The following CNTN3 variants were observed in gnomAD, a reference collection of about 807,000 sequenced individuals.
The protein encoded by CNTN3 is contactin-3.
A neutral mutation model predicts 119.1 loss-of-function variants in CNTN3; 60 were observed. The observed-to-expected ratio is 0.50, with a 90% confidence interval of 0.41 to 0.62. The LOEUF is 0.62. CNTN3 is among the 20% of genes least tolerant of loss of function. CNTN3 has a pLI of 0.00. For missense variants in CNTN3, 1,101 were observed against 1,242.4 expected, an observed-to-expected ratio of 0.89 and a Z score of 1.71; for synonymous variants, 450 against 438.7, an observed-to-expected ratio of 1.03 and a Z score of -0.32.
intron 19 of CNTN3, among the ~76,000 whole-genome samples, chr3:74,291,311 T>A (rs953132108): frequency 6.6e-6 from 1 of 152,148 alleles, no homozygotes; most frequent in Non-Finnish European, 1.5e-5. Context: ...TGATGGACAT[T>A]TGGGTTGGTT....
chr3:74,277,455 G>T (rs1701904464), intron 20 of CNTN3, among the ~76,000 whole-genome samples: 1 of 152,122 alleles, frequency 6.6e-6, no homozygotes, highest in South Asian at 2.1e-4. Context: ...ATGCAGGGAT[G>T]TTTTAAAATA....
chr3:74,460,067 A>G (rs180735058), intron 4 of CNTN3, among the ~76,000 whole-genome samples: 32 of 151,932 alleles, frequency 2.1e-4, no homozygotes, highest in Admixed American at 2.0e-3. Flanking sequence ...AAATTAGTTG[A>G]GAATATATGT....
At chr3:74,422,791 G>C (rs1701637094) in intron 5 of CNTN3, among the ~76,000 whole-genome samples, 1 of 152,116 alleles carries the variant, frequency 6.6e-6, no homozygotes. Flanking sequence ...TTCCTTCCTA[G>C]ATGTAGTTTT....
intron 17 of CNTN3, among the ~76,000 whole-genome samples, chr3:74,299,058 T>C (rs1444315568): frequency 1.3e-5 from 2 of 151,930 alleles, no homozygotes; most frequent in African/African-American, 2.4e-5. Context: ...AATACAAAAA[T>C]TACCCACGCA....
intron 5 of CNTN3, among the ~76,000 whole-genome samples, chr3:74,387,359 G>A (rs571169751): frequency 8.3e-4 from 126 of 152,262 alleles, no homozygotes; most frequent in Admixed American, 2.7e-3. Flanking sequence ...GGATTAAAAT[G>A]TTACTTTCAA....
At chr3:74,275,967 G>A (rs752368333) in intron 20 of CNTN3, among the ~76,000 whole-genome samples, 27 of 151,888 alleles carry the variant, frequency 1.8e-4, no homozygotes, top group Non-Finnish European at 3.7e-4. Context: ...CATGCAAATG[G>A]ACACAAAAAG....
Position 74,521,144 on chromosome 3 carries a change from T to A in CNTN3, c.-32A>T. ...TTGCCAAATGCAAGAGTAACTCTTG[T>A]CCAGTCTCTGATGAATAGAATGCTT... On this transcript the variant is annotated 5_prime_UTR_variant, in exon 2 of 23. Transcript: ENST00000263665. 1 of 1,428,872 alleles carries A rather than the reference T, an allele frequency of 7.0e-7. No homozygotes were observed. Among genetic ancestry groups the A allele is most frequent in the Non-Finnish European group, 9.8e-7 (1 of 1,022,738 alleles). The allele number at this position is 1,428,872 out of a possible 1,614,324, so 88.5% of individuals were successfully genotyped here.
In CNTN3 at chr3:74,519,924, T is replaced by C. The variant is rs147877383; in HGVS notation, c.55+1134A>G. On this transcript the variant is annotated intron_variant, in intron 2 of 22. Transcript: ENST00000263665. ...CTGTAACTATTATTGATTATGGATT[T>C]TTGCTATATATTATCATGTAAATAT... Among the ~76,000 whole-genome samples the C allele has an allele frequency of 3.9e-3, 597 of 151,788 alleles. 2 individuals are homozygous for C. Among genetic ancestry groups the C allele is most frequent in the African/African-American group, 0.013 (535 of 41,514 alleles).
At chr3:74,477,096 A>G (rs1276089108) in intron 4 of CNTN3, among the ~76,000 whole-genome samples, 1 of 152,158 alleles carries the variant, frequency 6.6e-6, no homozygotes, top group Non-Finnish European at 1.5e-5. Flanking sequence ...AGAATTGTAT[A>G]AAAATGATAA....
At chr3:74,307,136 G>T (rs1559694262) in intron 13 of CNTN3, among the ~76,000 whole-genome samples, 1 of 152,042 alleles carries the variant, frequency 6.6e-6, no homozygotes, top group Non-Finnish European at 1.5e-5. Flanking sequence ...GTAAGAACAC[G>T]GTTTATTTGA....
chr3:74,454,608 A>G (rs922521398), intron 4 of CNTN3, among the ~76,000 whole-genome samples: 43 of 151,974 alleles, frequency 2.8e-4, no homozygotes, highest in African/African-American at 8.4e-4. Context: ...TCCTAGTCTC[A>G]GTGGTCTTTA....
At chr3:74,472,882 A>C (rs1157518784) in intron 4 of CNTN3, among the ~76,000 whole-genome samples, 1 of 152,168 alleles carries the variant, frequency 6.6e-6, no homozygotes, top group Non-Finnish European at 1.5e-5. Flanking sequence ...TATAACTCAG[A>C]GAAAATTAGG....
chr3:74,301,997 T>C (rs868843641), intron 14 of CNTN3, among the ~76,000 whole-genome samples, 192 bp from the exon 15 acceptor site: 4 of 152,202 alleles, frequency 2.6e-5, no homozygotes, highest in South Asian at 4.1e-4. Flanking sequence ...CCCGCATTTC[T>C]GTTGTTAGAT....
At chr3:74,378,170 CT>C (rs1704524863) in intron 5 of CNTN3, among the ~76,000 whole-genome samples, 1 of 152,164 alleles carries the variant, frequency 6.6e-6, no homozygotes. Context: ...TGCTCTGATG[CT>C]TACAAATCAC....
intron 4 of CNTN3, among the ~76,000 whole-genome samples, chr3:74,481,402 C>T (rs1240777658): frequency 6.6e-6 from 1 of 151,718 alleles, no homozygotes. Context: ...TCTTACAGTC[C>T]ATTCTCTGGT....
intron 8 of CNTN3, among the ~76,000 whole-genome samples, chr3:74,366,366 ATTTATCATTTTCAACTTATGC>A (rs1205983628): frequency 2.6e-5 from 4 of 152,034 alleles, no homozygotes; most frequent in Non-Finnish European, 4.4e-5. Flanking sequence ...AATCAAATGG[ATTTATCATTTTCAACTTATGC>A]TTTAGAGGGT....
intron 1 of CNTN3, among the ~76,000 whole-genome samples, chr3:74,607,916 T>C (rs1008572820): frequency 6.6e-6 from 1 of 152,122 alleles, no homozygotes; most frequent in African/African-American, 2.4e-5. Context: ...GAAATCAGGT[T>C]TAAAAAATGA....
At chr3:74,329,902 T>C (rs1228010650) in intron 13 of CNTN3, among the ~76,000 whole-genome samples, 2 of 152,188 alleles carry the variant, frequency 1.3e-5, no homozygotes, top group East Asian at 3.9e-4. Context: ...CACACCATCA[T>C]ATATGAAGAT....
At position 74,553,824 on chromosome 3, in the gene CNTN3, G is replaced by A. The variant is rs147673248; in HGVS notation, c.-80-32632C>T. Among the ~76,000 whole-genome samples the A allele has an allele frequency of 4.5e-3, 678 of 152,122 alleles. 6 individuals carry two copies. The highest frequency in any genetic ancestry group is 0.016 in the African/African-American group (647 of 41,506). ...CGTAGATTACGGATATTAGCCCTCC[G>A]TCAGATGGATAGATTGCAAAAATTT... is the stretch of plus-strand genomic sequence containing the variant. On this transcript the variant is annotated intron_variant, in intron 1 of 22. Coordinates refer to ENST00000263665, the MANE Select transcript of CNTN3 (RefSeq NM_020872.3).
Sources: allele counts gnomAD v4.1 joint callset (sites outside exome capture counted in the v4.1 genomes callset), GRCh38; gene constraint gnomAD v4.1.1; transcripts MANE v1.5; gene names NCBI Gene and HGNC (gene_info 2026-07-23, HGNC 2026-07-21).